The following DNAH8 variants were observed in gnomAD, a reference collection of about 807,000 sequenced individuals.
DNAH8 encodes the protein dynein axonemal heavy chain 8.
DNAH8 carries 382 observed loss-of-function variants against 562.1 expected under a neutral mutation model. The observed-to-expected ratio is 0.68, with a 90% CI of 0.63 to 0.74. The LOEUF (loss-of-function observed/expected upper bound fraction) is 0.74, where lower values mean the gene tolerates loss of function less well. Ranked by LOEUF, DNAH8 falls within the 30% of genes least tolerant of loss-of-function variation. The pLI is 0.00. For missense variants in DNAH8, 5,203 were observed against 5,620.4 expected, an observed-to-expected ratio of 0.93 and a Z score of 2.37; for synonymous variants, 1,881 against 1,919.4, an observed-to-expected ratio of 0.98 and a Z score of 0.52.
At chr6:38,720,067 C>T (rs1003722358) in intron 1 of DNAH8, among the ~76,000 whole-genome samples, 3 of 152,138 alleles carry the variant, frequency 2.0e-5, no homozygotes, top group African/African-American at 4.8e-5. Flanking sequence ...TAGCATGACA[C>T]TCCTTACCTC....
intron 85 of DNAH8, among the ~76,000 whole-genome samples, chr6:38,977,316 C>A (rs894638618): frequency 1.2e-4 from 19 of 152,196 alleles, no homozygotes; most frequent in Non-Finnish European, 2.4e-4. Flanking sequence ...CCTCCAGCAA[C>A]TTACTATCCA....
intron 16 of DNAH8, among the ~76,000 whole-genome samples, chr6:38,782,540 C>T (rs556642134): frequency 1.3e-5 from 2 of 152,268 alleles, no homozygotes; most frequent in East Asian, 3.9e-4. Flanking sequence ...CCTTGGCCTC[C>T]CAAAGTGCTG....
intron 9 of DNAH8, among the ~76,000 whole-genome samples, chr6:38,752,438 ACAGGCGTGAGC>A (rs1334344564): frequency 6.6e-6 from 1 of 152,268 alleles, no homozygotes; most frequent in Non-Finnish European, 1.5e-5. Context: ...TGCTGGGATT[ACAGGCGTGAGC>A]CATCGGGCCC....
In DNAH8 at chr6:38,932,183, A is replaced by AAC. The variant is rs70981599; in HGVS notation, c.11457+223_11457+224dup. The stretch of plus-strand genomic sequence containing the variant: ...TAACTCATCTTCTCATCCAGCCTGA[A>AAC]ACACACACACACACACACACACACA... On this transcript the variant is annotated intron_variant, in intron 76 of 92. Coordinates refer to ENST00000327475, the MANE Select transcript of DNAH8 (RefSeq NM_001206927.2). Among the ~76,000 whole-genome samples the AAC allele has an allele frequency of 7.3e-3, 1,028 of 139,864 alleles. 18 individuals are homozygous for AAC. The highest frequency in any genetic ancestry group is 0.03 in the Middle Eastern group (8 of 266). 91.8% of individuals were successfully genotyped at this position (139,864 alleles called of 152,430 possible). A position where few individuals can be genotyped will look rare whatever the true frequency, so the allele number is the denominator to read the frequency against.
At position 38,894,883 on chromosome 6, in the gene DNAH8, G is replaced by A. The variant is rs1340196572; in HGVS notation, c.8747+19G>A. On this transcript the variant is annotated intron_variant, in intron 59 of 92. Transcript: ENST00000327475. ...CAGACAGGTGCGTGTTGCGGCACTA[G>A]AGTTTAAATGTATGACCTGAGAAGT... 3.1e-6 allele frequency: 5 copies of A among 1,603,058 alleles called. No homozygotes were observed. Among genetic ancestry groups the A allele is most frequent in the Admixed American group, 1.7e-5 (1 of 57,538 alleles).
At chr6:38,909,392 G>T in intron 64 of DNAH8, 126 bp from the exon 65 acceptor site, 1 of 772,224 alleles carries the variant, frequency 1.3e-6, no homozygotes, top group Non-Finnish European at 2.1e-6. Flanking sequence ...ATATATGACT[G>T]CAGCCCAAGA....
rs144913004 is a variant in DNAH8 at position 38,837,983 on chromosome 6, A to G, written c.4407A>G (p.Ser1469=). The stretch of plus-strand genomic sequence containing the variant: ...TGTGGAGGAAATTTGTTACGTATTC[A>G]TCTGGTGAACAACTTTTTGGATTGC... ...DDLWRKFVTY[S]SGEQLFGLPV... Residue 1469 remains serine (S), a synonymous_variant, in exon 33 of 93, where the codon TCA becomes TCG. Transcript: ENST00000327475. 6.2e-7 allele frequency: 1 copy of G among 1,613,300 alleles called. No homozygotes were observed. Among genetic ancestry groups the G allele is most frequent in the African/African-American group, 1.3e-5 (1 of 74,924 alleles).
chr6:38,848,013 G>C (rs1389658704), intron 36 of DNAH8, among the ~76,000 whole-genome samples: 1 of 152,120 alleles, frequency 6.6e-6, no homozygotes, highest in Non-Finnish European at 1.5e-5. Context: ...TTCTCTCTCT[G>C]TGGGTGGGAA....
intron 3 of DNAH8, among the ~76,000 whole-genome samples, chr6:38,727,906 C>A (rs1016942831): frequency 6.6e-6 from 1 of 152,118 alleles, no homozygotes; most frequent in Non-Finnish European, 1.5e-5. Flanking sequence ...AATTTGGACA[C>A]CCAAAGCTGA....
intron 78 of DNAH8, 27 bp from the exon 79 acceptor site, chr6:38,938,771 T>C: frequency 6.5e-7 from 1 of 1,542,216 alleles, no homozygotes. Flanking sequence ...TGCCCTTTGC[T>C]TCTTTGATTC....
intron 70 of DNAH8, among the ~76,000 whole-genome samples, chr6:38,921,045 C>T (rs1041446917): frequency 1.3e-5 from 2 of 152,022 alleles, no homozygotes; most frequent in African/African-American, 2.4e-5. Context: ...TGCATGCCAC[C>T]ATACCTAGCT....
In DNAH8 at chr6:38,723,914, G is replaced by C. The variant is rs145262568; in HGVS notation, c.525+443G>C. On this transcript the variant is annotated intron_variant, in intron 3 of 92. Coordinates refer to ENST00000327475, the MANE Select transcript of DNAH8 (RefSeq NM_001206927.2). ...ACAAAAGTTGGAATTTTACTGACTA[G>C]AGGAGAAGGTTTAGTTTATATAATT... Among the ~76,000 whole-genome samples, 391 of 151,962 alleles carry C rather than the reference G, an allele frequency of 2.6e-3. 4 individuals carry two copies. The highest frequency in any genetic ancestry group is 9.2e-3 in the African/African-American group (380 of 41,446).
At chr6:38,749,024 C>T (rs558015820) in intron 8 of DNAH8, among the ~76,000 whole-genome samples, 3 of 152,120 alleles carry the variant, frequency 2.0e-5, no homozygotes, top group East Asian at 3.9e-4. Flanking sequence ...GGCTTCCTTT[C>T]ATTCCTGAGG....
At chr6:38,952,189 C>T (rs1761949879) in intron 82 of DNAH8, among the ~76,000 whole-genome samples, 1 of 151,980 alleles carries the variant, frequency 6.6e-6, no homozygotes, top group African/African-American at 2.4e-5. Flanking sequence ...ATAAAATTTA[C>T]CAGGTGGGGT....
At chr6:38,912,972 G>A (rs570433737) in intron 66 of DNAH8, among the ~76,000 whole-genome samples, 2 of 152,244 alleles carry the variant, frequency 1.3e-5, no homozygotes, top group Admixed American at 1.3e-4. Flanking sequence ...ACCATGCCCA[G>A]CTTGTTTTGT....
chr6:38,857,518 G>C lies in DNAH8; in HGVS notation c.5734G>C (p.Val1912Leu). The C allele has an allele frequency of 6.2e-7, 1 of 1,603,564 alleles. No individual in the cohort carries two copies. The highest frequency in any genetic ancestry group is 8.5e-7 in the Non-Finnish European group (1 of 1,172,968). ...LPFLSHFPAQ[V>L]GLLGIQMLWT... ...TAATATTTTTCTGCTGGATCTGTAGGTTGGACTTCTGGGAATTCAGATGTT... is the reference window on the plus strand; with the variant it reads ...TAATATTTTTCTGCTGGATCTGTAGCTTGGACTTCTGGGAATTCAGATGTT... Residue 1912 changes from valine to leucine, a missense_variant and splice_region_variant, in exon 42 of 93, where the codon GTT becomes CTT. Val to Leu is a conservative substitution (Grantham distance 32). Coordinates refer to ENST00000327475, the MANE Select transcript of DNAH8 (RefSeq NM_001206927.2).
chr6:38,854,988 G>A (rs1404238521), intron 41 of DNAH8, among the ~76,000 whole-genome samples: 1 of 147,022 alleles, frequency 6.8e-6, no homozygotes, highest in African/African-American at 2.5e-5. Flanking sequence ...ATAATACAAA[G>A]TATTATATAC....
intron 83 of DNAH8, among the ~76,000 whole-genome samples, chr6:38,973,219 T>C (rs1039029307): frequency 6.6e-6 from 1 of 152,224 alleles, no homozygotes; most frequent in African/African-American, 2.4e-5. Context: ...AAACGTATTG[T>C]CTCCAGCTTT....
intron 15 of DNAH8, 111 bp from the exon 16 acceptor site, chr6:38,781,143 A>C: frequency 8.7e-7 from 1 of 1,147,530 alleles, no homozygotes; most frequent in Non-Finnish European, 1.2e-6. Flanking sequence ...TTGACTACCT[A>C]CTGTATATAA....
Sources: allele counts gnomAD v4.1 joint callset (sites outside exome capture counted in the v4.1 genomes callset), GRCh38; gene constraint gnomAD v4.1.1; transcripts MANE v1.5; gene names NCBI Gene and HGNC (gene_info 2026-07-23, HGNC 2026-07-21).